Variants in KIRREL1 observed in about 807,000 individuals in gnomAD.
The protein encoded by KIRREL1 is kin of IRRE-like protein 1.
In KIRREL1, 25 loss-of-function variants were observed where a neutral mutation model predicts 83.3. The ratio of observed to expected loss-of-function variants is 0.30; its 90% CI spans 0.22 to 0.42. The LOEUF (loss-of-function observed/expected upper bound fraction) is 0.42, where lower values mean the gene tolerates loss of function less well. Among genes scored for constraint, KIRREL1 ranks in the 10% least tolerant of loss-of-function variants. The probability of loss-of-function intolerance (pLI) is 1.00; values close to 1 mark genes in which losing one functional copy is unlikely to be tolerated. For missense variants in KIRREL1, 812 were observed against 1,032.3 expected (o/e 0.79, Z 2.92); for synonymous variants, 388 against 410.4 (o/e 0.95, Z 0.66).
chr1:158,050,868 T>C (rs1660892357), intron 1 of KIRREL1, among the ~76,000 whole-genome samples: 1 of 152,188 alleles, frequency 6.6e-6, no homozygotes, highest in Admixed American at 6.5e-5. Flanking sequence ...TTCTGAAAAA[T>C]GCAGTCAGAT....
rs1167595012 is a variant in KIRREL1 at position 158,096,285 on chromosome 1, C to T, written c.*1165C>T. ...AGGGTTACGGAGGGGGCCTGGCTCT[C>T]AGTCTCTACTCTCCTATGTCCCATC... is the stretch of plus-strand genomic sequence containing the variant. On this transcript the variant is annotated 3_prime_UTR_variant, in exon 15 of 15. Coordinates refer to ENST00000359209, the MANE Select transcript of KIRREL1 (RefSeq NM_018240.7). 1 of 302,818 alleles carries T rather than the reference C, an allele frequency of 3.3e-6. No homozygotes were observed. The highest frequency in any genetic ancestry group is 3.1e-5 in the South Asian group (1 of 32,164). The allele number at this position is 302,818 out of a possible 1,614,324, so 18.8% of individuals were successfully genotyped here. A position where few individuals can be genotyped will look rare whatever the true frequency, so the allele number is the denominator to read the frequency against.
chr1:158,079,840 T>C (rs933177152), intron 3 of KIRREL1, among the ~76,000 whole-genome samples: 2 of 152,220 alleles, frequency 1.3e-5, no homozygotes, highest in African/African-American at 4.8e-5. Context: ...CAACTGCTGC[T>C]TTGCTTCATG....
chr1:157,993,720 T>C lies in KIRREL1; in HGVS notation c.44T>C (p.Phe15Ser). 6.7e-7 allele frequency: 1 copy of C among 1,493,304 alleles called. No homozygotes were observed. The highest frequency in any genetic ancestry group is 1.3e-5 in the South Asian group (1 of 78,006). The allele number at this position is 1,493,304 out of a possible 1,614,324, so 92.5% of individuals were successfully genotyped here. A position where few individuals can be genotyped will look rare whatever the true frequency, so the allele number is the denominator to read the frequency against. Residue 15 changes from phenylalanine to serine, a missense_variant, in exon 1 of 15, where the codon TTC becomes TCC. Physicochemically the swap from Phe to Ser is radical, Grantham distance 155. Around this residue, in one of 3 missense-constraint regions of KIRREL1, gnomAD observed 472 missense variants for 626.8 expected, o/e 0.75. Transcript: ENST00000359209. ...LVWILTLSDTFSQGTQTRFSQ... is the reference protein window; with the variant it reads ...LVWILTLSDTSSQGTQTRFSQ... The stretch of plus-strand genomic sequence containing the variant: ...TGGATCCTCACTCTCTCCGATACTT[T>C]CTCCCAAGGTAAGGGCCCCCAGCCC...
intron 1 of KIRREL1, among the ~76,000 whole-genome samples, chr1:157,999,786 C>T (rs558049565): frequency 6.6e-6 from 1 of 152,104 alleles, no homozygotes; most frequent in East Asian, 1.9e-4. Flanking sequence ...CCTTGATCCT[C>T]AAATGTGAAA....
At chr1:158,046,114 G>A (rs1178454893) in intron 1 of KIRREL1, among the ~76,000 whole-genome samples, 1 of 152,206 alleles carries the variant, frequency 6.6e-6, no homozygotes, top group Non-Finnish European at 1.5e-5. Context: ...TGAAGGAAGG[G>A]CAGGAGCAGA....
intron 1 of KIRREL1, among the ~76,000 whole-genome samples, chr1:158,030,269 T>A (rs1163967029): frequency 6.6e-6 from 1 of 152,276 alleles, no homozygotes; most frequent in African/African-American, 2.4e-5. Flanking sequence ...TAAACTCTTT[T>A]GAGAATCTTA....
intron 1 of KIRREL1, among the ~76,000 whole-genome samples, chr1:158,073,779 A>G (rs988722773): frequency 3.3e-5 from 5 of 152,184 alleles, no homozygotes; most frequent in African/African-American, 1.2e-4. Flanking sequence ...TCTTACTTCA[A>G]GTGCTTCCCA....
At chr1:158,031,709 G>A (rs1447035141) in intron 1 of KIRREL1, among the ~76,000 whole-genome samples, 1 of 152,242 alleles carries the variant, frequency 6.6e-6, no homozygotes, top group Non-Finnish European at 1.5e-5. Flanking sequence ...GAACTGGAGG[G>A]AAAAGAGTTT....
Position 158,086,689 on chromosome 1 carries a change from A to C in KIRREL1, c.604A>C (p.Ser202Arg), listed in dbSNP as rs1197543402. 1 of 1,551,762 alleles carries C rather than the reference A, an allele frequency of 6.4e-7. No homozygotes were observed. The highest frequency in any genetic ancestry group is 8.7e-7 in the Non-Finnish European group (1 of 1,147,008). ...LDIGRVFTCR[S>R]MNEAIPSGKE... ...CATAGGGCGTGTCTTCACTTGCCGA[A>C]GCATGAACGAAGCCATCCCTAGTGG... The change falls in exon 5 of 15, where the codon AGC becomes CGC. Residue 202 changes from serine to arginine, a missense_variant. Ser to Arg is a moderately radical substitution (Grantham distance 110, BLOSUM62 -1). Coordinates refer to ENST00000359209, the MANE Select transcript of KIRREL1 (RefSeq NM_018240.7).
At chr1:158,040,492 GT>G (rs1660595710) in intron 1 of KIRREL1, among the ~76,000 whole-genome samples, 1 of 152,254 alleles carries the variant, frequency 6.6e-6, no homozygotes, top group African/African-American at 2.4e-5. Context: ...CAAGATTGTT[GT>G]GAGGGAGAAT....
chr1:158,053,490 C>T (rs532479931), intron 1 of KIRREL1, among the ~76,000 whole-genome samples: 8 of 152,348 alleles, frequency 5.3e-5, no homozygotes, highest in African/African-American at 1.9e-4. Context: ...CTCAGCCACA[C>T]CAGACTCTTC....
chr1:158,067,099 A>C (rs759921431), intron 1 of KIRREL1, among the ~76,000 whole-genome samples: 1 of 152,152 alleles, frequency 6.6e-6, no homozygotes, highest in Non-Finnish European at 1.5e-5. Context: ...TGGAGGTTCA[A>C]ATGGGGCAGG....
intron 1 of KIRREL1, among the ~76,000 whole-genome samples, chr1:158,030,077 C>T (rs191530722): frequency 6.6e-6 from 1 of 152,210 alleles, no homozygotes; most frequent in East Asian, 1.9e-4. Context: ...TTTTATTTCT[C>T]AGGTATGGAA....
At chr1:158,042,212 G>GGTGTGT (rs10577493) in intron 1 of KIRREL1, among the ~76,000 whole-genome samples, 2,612 of 137,710 alleles carry the variant, frequency 0.019, 32 homozygotes, top group African/African-American at 0.03. Context: ...TCTTCTCCAG[G>GGTGTGT]GTGTGTGTGT....
chr1:158,019,335 C>T (rs1186876735), intron 1 of KIRREL1, among the ~76,000 whole-genome samples: 1 of 152,174 alleles, frequency 6.6e-6, no homozygotes, highest in African/African-American at 2.4e-5. Flanking sequence ...CAGACAATTT[C>T]AGAAGGACCA....
chr1:158,042,919 A>AAG (rs1270036895), intron 1 of KIRREL1, among the ~76,000 whole-genome samples: 1 of 150,338 alleles, frequency 6.7e-6, no homozygotes, highest in Non-Finnish European at 1.5e-5. Flanking sequence ...TAAAAAAAAA[A>AAG]AAAAAAAAAT....
At chr1:158,052,166 T>C (rs1262561246) in intron 1 of KIRREL1, among the ~76,000 whole-genome samples, 3 of 152,048 alleles carry the variant, frequency 2.0e-5, no homozygotes, top group African/African-American at 7.2e-5. Flanking sequence ...CCTTACCCCA[T>C]CTCTCTTCCC....
intron 1 of KIRREL1, among the ~76,000 whole-genome samples, chr1:158,023,529 A>C (rs1234715213): frequency 1.3e-5 from 2 of 152,214 alleles, no homozygotes; most frequent in Non-Finnish European, 2.9e-5. Context: ...GCATAATTAC[A>C]GGAATCCCCA....
chr1:158,075,057 C>T (rs1048246125), intron 1 of KIRREL1, among the ~76,000 whole-genome samples: 11 of 152,192 alleles, frequency 7.2e-5, no homozygotes, highest in African/African-American at 2.4e-4. Flanking sequence ...CCCTTGTCCC[C>T]CTTCTCCTTT....
Sources: allele counts gnomAD v4.1 joint callset (sites outside exome capture counted in the v4.1 genomes callset), GRCh38; gene constraint gnomAD v4.1.1; regional missense constraint gnomAD v4.1.1; transcripts MANE v1.5; gene names NCBI Gene and HGNC (gene_info 2026-07-23, HGNC 2026-07-21).